Variants in TBC1D9B observed in about 807,000 individuals in gnomAD.
The protein encoded by TBC1D9B is TBC1 domain family, member 9B (with GRAM domain).
A neutral mutation model predicts 121.1 loss-of-function variants in TBC1D9B; 87 were observed. That is an observed-to-expected ratio of 0.72 (90% CI 0.60 to 0.86). The LOEUF is 0.86. Ranked by LOEUF, TBC1D9B falls within the 40% of genes least tolerant of loss-of-function variation. The pLI is 0.00. For synonymous variants in TBC1D9B, 668 were observed against 670.1 expected (o/e 1.00, Z 0.05); for missense variants, 1,540 against 1,628.6 (o/e 0.95, Z 0.94).
chr5:179,878,669 T>C, intron 9 of TBC1D9B, 146 bp from the exon 10 acceptor site: 1 of 831,264 alleles, frequency 1.2e-6, no homozygotes, highest in Non-Finnish European at 1.9e-6. Flanking sequence ...GTTTCCCTTG[T>C]GCTCCTGGGG....
Position 179,891,163 on chromosome 5 carries a change from T to C in TBC1D9B, c.1044+216A>G, listed in dbSNP as rs904156401. On this transcript the variant is annotated intron_variant, in intron 6 of 20. Coordinates refer to ENST00000355235, the MANE Select transcript of TBC1D9B (RefSeq NM_015043.4). The surrounding 1 kb of genome is among the most constrained non-coding windows in gnomAD (Gnocchi z 4.3). Reference sequence around the variant, plus strand: ...GGCAAGCAGTGTGCCCCCACCATGTTACCTGCCTCCCCAACAGGGCAGGTG... The same window carrying C: ...GGCAAGCAGTGTGCCCCCACCATGTCACCTGCCTCCCCAACAGGGCAGGTG... Among the ~76,000 whole-genome samples the C allele has an allele frequency of 5.3e-5, 8 of 152,214 alleles. No individual in the cohort carries two copies. Among genetic ancestry groups the C allele is most frequent in the Non-Finnish European group, 1.2e-4 (8 of 68,022 alleles).
intron 2 of TBC1D9B, among the ~76,000 whole-genome samples, chr5:179,901,017 G>A (rs992118931): frequency 6.6e-6 from 1 of 152,124 alleles, no homozygotes; most frequent in African/African-American, 2.4e-5. Flanking sequence ...GTCACAGCCC[G>A]GCTGTTCTGC....
intron 3 of TBC1D9B, among the ~76,000 whole-genome samples, chr5:179,896,531 C>CT (rs904477191): frequency 8.7e-5 from 13 of 149,100 alleles, no homozygotes; most frequent in Non-Finnish European, 1.5e-4. Flanking sequence ...TGTCTAAATT[C>CT]TTTTTTTTTT....
intron 10 of TBC1D9B, among the ~76,000 whole-genome samples, 181 bp from the exon 11 acceptor site, chr5:179,876,218 C>T (rs969649931): frequency 3.0e-4 from 46 of 152,176 alleles, no homozygotes; most frequent in African/African-American, 1.0e-3. Flanking sequence ...CTCCTACAAG[C>T]AAATCTGCCT....
chr5:179,876,029 G>A lies in TBC1D9B; in HGVS notation c.1791C>T (p.Asn597=), dbSNP rs1292394910. ...AGAGCAGGAGCACCGAGGTCACGAT[G>A]TTCATTGCCTGCCGGGCACAGAGAC... ...NPTIGYCQAM[N]IVTSVLLLYG... The change falls in exon 11 of 21, where the codon AAC becomes AAT. Residue 597 remains asparagine (N), a synonymous_variant. Coordinates refer to ENST00000355235, the MANE Select transcript of TBC1D9B (RefSeq NM_015043.4). 4 of 1,612,310 alleles carry A rather than the reference G, an allele frequency of 2.5e-6. No individual in the cohort carries two copies. The highest frequency in any genetic ancestry group is 3.4e-6 in the Non-Finnish European group (4 of 1,179,458).
chr5:179,896,425 G>A (rs754378646), intron 3 of TBC1D9B, among the ~76,000 whole-genome samples: 13 of 152,332 alleles, frequency 8.5e-5, no homozygotes, highest in Non-Finnish European at 1.5e-4. Context: ...ACCGCGCCTA[G>A]CCAAACTGGT....
chr5:179,883,303 C>G (rs1171573123), intron 7 of TBC1D9B, among the ~76,000 whole-genome samples: 2 of 152,190 alleles, frequency 1.3e-5, no homozygotes, highest in East Asian at 3.8e-4. Flanking sequence ...TCCTGAATCA[C>G]AGTTTCTATT....
Position 179,872,978 on chromosome 5 carries a change from G to C in TBC1D9B, c.2329C>G (p.Leu777Val). The C allele has an allele frequency of 6.2e-7, 1 of 1,614,018 alleles. No homozygotes were observed. Among genetic ancestry groups the C allele is most frequent in the South Asian group, 1.1e-5 (1 of 91,082 alleles). ...LKVSYEKFSS[L>V]RAEDIEQMRF... ...ATCTGCTCAATGTCTTCGGCCCTCA[G>C]GCTGCTGAATTTCTATAGGGAGAGG... Residue 777 changes from leucine (L) to valine (V), a missense_variant, in exon 14 of 21, where the codon CTG (leucine) becomes GTG (valine). Coordinates refer to ENST00000355235, the MANE Select transcript of TBC1D9B (RefSeq NM_015043.4).
At chr5:179,870,582 C>A (rs910693629) in intron 15 of TBC1D9B, 87 bp from the exon 16 acceptor site, 173 of 1,486,602 alleles carry the variant, frequency 1.2e-4, no homozygotes, top group African/African-American at 3.9e-4. Context: ...CCACCCTCCC[C>A]CTCTGTCCAA....
At chr5:179,899,368 T>G (rs1311472244) in intron 2 of TBC1D9B, 61 bp from the exon 3 acceptor site, 11 of 1,434,580 alleles carry the variant, frequency 7.7e-6, no homozygotes, top group Non-Finnish European at 9.7e-6. Context: ...TAAACGCACA[T>G]TCAAAGAAGC....
intron 7 of TBC1D9B, among the ~76,000 whole-genome samples, chr5:179,881,036 G>A (rs1687695829): frequency 6.6e-6 from 1 of 152,154 alleles, no homozygotes; most frequent in Admixed American, 6.5e-5. Flanking sequence ...TGTGTGGCGT[G>A]CAGCAGACGT....
chr5:179,898,309 G>A (rs896026076), intron 3 of TBC1D9B, among the ~76,000 whole-genome samples: 6 of 151,898 alleles, frequency 4.0e-5, no homozygotes, highest in East Asian at 1.9e-4. Flanking sequence ...CCACCACCAC[G>A]CCCGGCTAAT....
rs2113594392 is a variant in TBC1D9B at position 179,863,497 on chromosome 5, C to T, written c.3653G>A (p.Arg1218Lys). Residue 1218 changes from arginine to lysine, a missense_variant, in exon 21 of 21, where the codon AGA (arginine) becomes AAA (lysine). Coordinates refer to ENST00000355235, the MANE Select transcript of TBC1D9B (RefSeq NM_015043.4). The surrounding 1 kb of genome is among the most constrained non-coding windows in gnomAD (Gnocchi z 4.5). ...ATGGTCACTGGCGGTGCTGAACTGT[C>T]TCTCCACTTTCTTTTGGTCCTTGAT... ...LKIKDQKKVE[R>K]QFSTASDHEQ... The T allele has an allele frequency of 6.2e-7, 1 of 1,614,230 alleles. No individual in the cohort carries two copies. The highest frequency in any genetic ancestry group is 2.2e-5 in the East Asian group (1 of 44,882).
At position 179,870,297 on chromosome 5, in the gene TBC1D9B, T is replaced by C. The variant is rs765731387; in HGVS notation, c.2683A>G (p.Lys895Glu). Reference protein sequence around the residue: ...GRMFRLLDENKDSLINFKEFV... With the variant: ...GRMFRLLDENEDSLINFKEFV... ...TCCTTGAAGTTGATCAGCGAGTCCT[T>C]GTTTTCGTCCAGGAGCCTGAACATG... The change falls in exon 16 of 21, where the codon AAG (lysine) becomes GAG (glutamate). Residue 895 changes from lysine (K) to glutamate (E), a missense_variant. Lys to Glu is a moderately conservative substitution (Grantham distance 56). Coordinates refer to ENST00000355235, the MANE Select transcript of TBC1D9B (RefSeq NM_015043.4). The C allele has an allele frequency of 6.2e-7, 1 of 1,613,858 alleles. No individual in the cohort carries two copies.
chr5:179,891,946 G>A lies in TBC1D9B; in HGVS notation c.837-360C>T, dbSNP rs1334532250. On this transcript the variant is annotated intron_variant, in intron 5 of 20. Coordinates refer to ENST00000355235, the MANE Select transcript of TBC1D9B (RefSeq NM_015043.4). This position sits in a 1 kb window ranked among gnomAD's most constrained non-coding sequence, Gnocchi z 4.3. ...ACCTGCCCTGGATCCCACTCAGATGGAGGGCCCCGGGCAGCTCTTCCACCC... is the reference window on the plus strand; with the variant it reads ...ACCTGCCCTGGATCCCACTCAGATGAAGGGCCCCGGGCAGCTCTTCCACCC... Among the ~76,000 whole-genome samples, 1 of 152,090 alleles carries A rather than the reference G, an allele frequency of 6.6e-6. No individual in the cohort carries two copies. Among genetic ancestry groups the A allele is most frequent in the Non-Finnish European group, 1.5e-5 (1 of 67,986 alleles).
intron 10 of TBC1D9B, among the ~76,000 whole-genome samples, chr5:179,877,022 G>A (rs1760377311): frequency 7.3e-6 from 1 of 136,610 alleles, no homozygotes; most frequent in Non-Finnish European, 1.5e-5. Flanking sequence ...AGTGAGCCAT[G>A]ATCATGCCAC....
At position 179,862,430 on chromosome 5, in the gene TBC1D9B, G is replaced by A. The variant is rs1759871197; in HGVS notation, c.*1018C>T. 1 of 396,660 alleles carries A rather than the reference G, an allele frequency of 2.5e-6. No individual in the cohort carries two copies. The highest frequency in any genetic ancestry group is 2.5e-5 in the Admixed American group (1 of 39,360). The allele number at this position is 396,660 out of a possible 1,614,324, so 24.6% of individuals were successfully genotyped here. Reference sequence around the variant, plus strand: ...TCCACAGTCTGGTTCTTGAACCCAAGGGCAGACAGCTTGCTACAGCCCAGG... The same window carrying A: ...TCCACAGTCTGGTTCTTGAACCCAAAGGCAGACAGCTTGCTACAGCCCAGG... On this transcript the variant is annotated 3_prime_UTR_variant, in exon 21 of 21. Coordinates refer to ENST00000355235, the MANE Select transcript of TBC1D9B (RefSeq NM_015043.4).
chr5:179,877,093 A>G (rs1332492947), intron 10 of TBC1D9B, among the ~76,000 whole-genome samples: 1 of 150,782 alleles, frequency 6.6e-6, no homozygotes. Flanking sequence ...AAAAAAAAAA[A>G]AAGCCCAGGA....
chr5:179,879,331 G>A, intron 8 of TBC1D9B, 134 bp from the exon 9 acceptor site: 2 of 1,384,162 alleles, frequency 1.4e-6, no homozygotes, highest in Non-Finnish European at 9.7e-7. Context: ...CAATTCCCGG[G>A]AAAGACCAGG....
Sources: gnomAD v4.1 joint callset for allele counts (sites outside exome capture counted in the v4.1 genomes callset) on GRCh38, gnomAD v4.1.1 for gene constraint, Gnocchi (gnomAD v3.1) non-coding constraint, MANE v1.5 for transcripts, NCBI Gene and HGNC (gene_info 2026-07-23, HGNC 2026-07-21) for gene names.